The following KIAA0586 variants were observed in gnomAD, a reference collection of about 807,000 sequenced individuals.
KIAA0586 encodes KIAA0586.
KIAA0586 carries 144 observed loss-of-function variants against 169.8 expected under a neutral mutation model. The observed-to-expected ratio is 0.85, with a 90% CI of 0.74 to 0.97. The LOEUF (loss-of-function observed/expected upper bound fraction) is 0.97. Among genes scored for constraint, KIAA0586 ranks in the 50% least tolerant of loss-of-function variants. KIAA0586 has a pLI of 0.00. For missense variants in KIAA0586, 1,854 were observed against 1,823.0 expected (o/e 1.02, Z -0.31); for synonymous variants, 625 against 612.4 (o/e 1.02, Z -0.30).
intron 8 of KIAA0586, among the ~76,000 whole-genome samples, chr14:58,451,339 A>G (rs757550712): frequency 2.6e-5 from 4 of 151,776 alleles, no homozygotes; most frequent in Non-Finnish European, 4.4e-5. Flanking sequence ...TGATCTTCCC[A>G]CTTCAGCCTC....
At chr14:58,505,762 G>A (rs954631759) in intron 27 of KIAA0586, among the ~76,000 whole-genome samples, 2 of 151,852 alleles carry the variant, frequency 1.3e-5, no homozygotes, top group African/African-American at 4.8e-5. Flanking sequence ...CCATCTGGGA[G>A]GTTCTCAGTT....
chr14:58,511,558 A>T (rs1339137509), intron 28 of KIAA0586, among the ~76,000 whole-genome samples: 2 of 152,204 alleles, frequency 1.3e-5, no homozygotes, highest in African/African-American at 4.8e-5. Flanking sequence ...AAACGTTCAA[A>T]GTCTCAGCAG....
chr14:58,489,850 A>G (rs2042721582), intron 24 of KIAA0586, among the ~76,000 whole-genome samples: 1 of 152,092 alleles, frequency 6.6e-6, no homozygotes, highest in South Asian at 2.1e-4. Flanking sequence ...AAGGATTTTT[A>G]GCTCTTAATC....
intron 4 of KIAA0586, among the ~76,000 whole-genome samples, chr14:58,437,725 A>T (rs1478935848): frequency 6.6e-6 from 1 of 150,382 alleles, no homozygotes; most frequent in Non-Finnish European, 1.5e-5. Context: ...AAAAAAAAAA[A>T]AAAAGGCCAA....
Position 58,539,919 on chromosome 14 carries a change from T to G in KIAA0586, c.4430-152T>G, listed in dbSNP as rs1485522848. On this transcript the variant is annotated intron_variant, in intron 29 of 30. Transcript: ENST00000652326. ...CAGCTGTTTAACTTCCTTCTTTACA[T>G]TCAGGCCACTAGATCAAACTTCTGT... The G allele has an allele frequency of 2.2e-5, 12 of 536,430 alleles. No homozygotes were observed. The South Asian group carries it at 3.5e-4, about 16-fold the overall frequency. The allele number at this position is 536,430 out of a possible 1,614,324, so 33.2% of individuals were successfully genotyped here. A position where few individuals can be genotyped will look rare whatever the true frequency, so the allele number is the denominator to read the frequency against.
chr14:58,489,867 A>G (rs757970847), intron 24 of KIAA0586, among the ~76,000 whole-genome samples: 35 of 152,212 alleles, frequency 2.3e-4, no homozygotes, highest in Middle Eastern at 6.8e-3. Flanking sequence ...AATCAGTTTT[A>G]ATTATATCAA....
At chr14:58,471,901 T>C (rs113277426) in intron 17 of KIAA0586, among the ~76,000 whole-genome samples, 24 of 152,190 alleles carry the variant, frequency 1.6e-4, no homozygotes, top group Non-Finnish European at 3.2e-4. Context: ...TTTATCTTAA[T>C]TCTGGAAGAG....
intron 21 of KIAA0586, among the ~76,000 whole-genome samples, chr14:58,486,109 C>G (rs369023131): frequency 6.4e-4 from 98 of 152,260 alleles, no homozygotes; most frequent in African/African-American, 2.3e-3. Flanking sequence ...CCTCCTGCCC[C>G]CTGCCATCAT....
intron 4 of KIAA0586, 64 bp from the exon 5 acceptor site, chr14:58,442,642 A>C (rs1225114782): frequency 4.2e-6 from 5 of 1,180,084 alleles, no homozygotes; most frequent in Non-Finnish European, 5.9e-6. Flanking sequence ...CCATTTGTTA[A>C]GTATTTCTTG....
intron 29 of KIAA0586, 109 bp downstream of exon 29, chr14:58,512,736 GTTTTC>G (rs2044478294): frequency 3.3e-6 from 2 of 600,682 alleles, no homozygotes; most frequent in Non-Finnish European, 5.7e-6. Flanking sequence ...CTAGGTTTTT[GTTTTC>G]TTTTGTTTTC....
rs889321753 is a variant in KIAA0586 at position 58,475,512 on chromosome 14, C to G, written c.2825+715C>G. Among the ~76,000 whole-genome samples the G allele has an allele frequency of 6.6e-5, 10 of 151,958 alleles. No homozygotes were observed. In the South Asian group the frequency reaches 2.1e-3, roughly 32 times the overall value. ...CTAGCACTACAAAGAGGGCACTGTTCTAGGTTTGTTACATACTGATAACAA... is the reference window on the plus strand; with the variant it reads ...CTAGCACTACAAAGAGGGCACTGTTGTAGGTTTGTTACATACTGATAACAA... On this transcript the variant is annotated intron_variant, in intron 19 of 30. Transcript: ENST00000652326.
chr14:58,551,953 C>A (rs2140172740), downstream of KIAA0586, among the ~76,000 whole-genome samples: 1 of 152,250 alleles, frequency 6.6e-6, no homozygotes, highest in South Asian at 2.1e-4. Context: ...ATATGTGCAT[C>A]TGTTTAACAA....
intron 30 of KIAA0586, among the ~76,000 whole-genome samples, chr14:58,546,493 G>C (rs2046991864): frequency 6.6e-6 from 1 of 152,114 alleles, no homozygotes; most frequent in Non-Finnish European, 1.5e-5. Context: ...AAAAATTACT[G>C]TGACTCTTGT....
Position 58,508,674 on chromosome 14 carries a change from GTTAAT to G in KIAA0586, c.4292_4296del (p.Asn1431ThrfsTer5). 1 of 1,593,084 alleles carries G rather than the reference GTTAAT, an allele frequency of 6.3e-7. No homozygotes were observed. The highest frequency in any genetic ancestry group is 8.6e-7 in the Non-Finnish European group (1 of 1,169,062). On this transcript the variant is annotated frameshift_variant, in exon 28 of 31. Coordinates refer to ENST00000652326, the MANE Select transcript of KIAA0586 (RefSeq NM_001329943.3). LOFTEE classifies it high-confidence loss of function. ...ACTTCTGACAGCACAAGAAAATGATGTTAATTTACCAGTAGCCGCTGAAGATTTTT... is the reference window on the plus strand; with the variant it reads ...ACTTCTGACAGCACAAGAAAATGATGTTACCAGTAGCCGCTGAAGATTTTT...
rs182017796 is a variant in KIAA0586, at chr14:58,503,958, C to T, written c.4169-4597C>T. Among the ~76,000 whole-genome samples the T allele has an allele frequency of 3.9e-4, 60 of 152,180 alleles. 1 individual carries two copies. The South Asian group carries it at 7.1e-3, about 18-fold the overall frequency. Reference sequence around the variant, plus strand: ...ATCTATTAAGGAGTACAGTAAGGATCGCTTTGTATACAAAATGGGAAATAA... The same window carrying T: ...ATCTATTAAGGAGTACAGTAAGGATTGCTTTGTATACAAAATGGGAAATAA... On this transcript the variant is annotated intron_variant, in intron 27 of 30. Coordinates refer to ENST00000652326, the MANE Select transcript of KIAA0586 (RefSeq NM_001329943.3).
At chr14:58,433,996 C>T (rs1375209683) in intron 4 of KIAA0586, among the ~76,000 whole-genome samples, 1 of 151,920 alleles carries the variant, frequency 6.6e-6, no homozygotes, top group Non-Finnish European at 1.5e-5. Context: ...GAGACCCCGT[C>T]TCATCAGAAA....
intron 5 of KIAA0586, among the ~76,000 whole-genome samples, chr14:58,443,154 C>G (rs1260418413): frequency 6.6e-6 from 1 of 152,184 alleles, no homozygotes; most frequent in Non-Finnish European, 1.5e-5. Flanking sequence ...TCCTGGCAAC[C>G]TGGATAATCG....
chr14:58,520,510 T>TTTGTTGTTGTTGTTGTTG, intron 29 of KIAA0586, among the ~76,000 whole-genome samples: 1 of 150,396 alleles, frequency 6.6e-6, no homozygotes, highest in Non-Finnish European at 1.5e-5. Context: ...TTTTTGGGGT[T>TTTGTTGTTGTTGTTGTTG]TTGTTGTTGT....
At position 58,488,601 on chromosome 14, in the gene KIAA0586, A is replaced by G. The variant is rs759897107; in HGVS notation, c.3528-20A>G. On this transcript the variant is annotated intron_variant, in intron 23 of 30. Transcript: ENST00000652326. ...CCTTCAGTGACCTAACAAGCTCCAA[A>G]TATGTCTTTATTTTCTTAGTGTAAT... 5.0e-6 allele frequency: 8 copies of G among 1,612,058 alleles called. No individual in the cohort carries two copies. The Admixed American group carries it at 8.3e-5, about 17-fold the overall frequency.
Sources: allele counts gnomAD v4.1 joint callset (sites outside exome capture counted in the v4.1 genomes callset), GRCh38; gene constraint gnomAD v4.1.1; transcripts MANE v1.5; gene names NCBI Gene and HGNC (gene_info 2026-07-23, HGNC 2026-07-21).